CUL1: variants seen among roughly 807,000 people sequenced by gnomAD.
CUL1 encodes cullin 1.
Under a neutral mutation model 118.0 loss-of-function variants are expected in CUL1, and 24 were observed. The observed-to-expected ratio is 0.20, with a 90% CI of 0.15 to 0.29. The LOEUF (loss-of-function observed/expected upper bound fraction) is 0.29, where lower values mean the gene tolerates loss of function less well. CUL1 is among the 10% of genes least tolerant of loss of function. The pLI is 1.00. For missense variants in CUL1, 361 were observed against 933.8 expected, an observed-to-expected ratio of 0.39 and a Z score of 7.99; for synonymous variants, 332 against 340.4, an observed-to-expected ratio of 0.98 and a Z score of 0.27.
At chr7:148,762,726 G>A (rs900904078) in intron 7 of CUL1, among the ~76,000 whole-genome samples, 7 of 152,234 alleles carry the variant, frequency 4.6e-5, no homozygotes, top group African/African-American at 1.7e-4. Context: ...CTTTTTATGG[G>A]TTTATTAGAG....
intron 2 of CUL1, among the ~76,000 whole-genome samples, chr7:148,742,752 C>T (rs1446184316): frequency 6.6e-6 from 1 of 151,928 alleles, no homozygotes; most frequent in Non-Finnish European, 1.5e-5. Flanking sequence ...CAGACATGCA[C>T]CACCACGCCC....
At position 148,762,944 on chromosome 7, in the gene CUL1, C is replaced by T. The variant is rs560337679; in HGVS notation, c.789+2448C>T. On this transcript the variant is annotated intron_variant, in intron 7 of 21. Coordinates refer to ENST00000325222, the MANE Select transcript of CUL1 (RefSeq NM_003592.3). ...GGCAGATTGCCTGAGGTCGGGAGTT[C>T]GAGACCAGCCTGGCCAGCATGGTGA... Among the ~76,000 whole-genome samples the T allele has an allele frequency of 5.3e-5, 8 of 152,238 alleles. No individual in the cohort carries two copies. The East Asian group carries it at 9.6e-4, about 18-fold the overall frequency.
intron 1 of CUL1, among the ~76,000 whole-genome samples, chr7:148,718,692 T>C (rs1798296465): frequency 6.7e-6 from 1 of 150,312 alleles, no homozygotes; most frequent in Admixed American, 6.6e-5. Flanking sequence ...TGAACATTCA[T>C]GTACAAGTCT....
chr7:148,752,157 C>T (rs1403523396), intron 2 of CUL1, among the ~76,000 whole-genome samples: 1 of 152,078 alleles, frequency 6.6e-6, no homozygotes, highest in Non-Finnish European at 1.5e-5. Context: ...ATATTTGATA[C>T]ACATTTATCC....
chr7:148,783,458 G>A (rs1800716017), intron 9 of CUL1: 1 of 1,210,692 alleles, frequency 8.3e-7, no homozygotes, highest in African/African-American at 1.6e-5. Context: ...GTTTAACAAG[G>A]AGGAATTGGC....
intron 1 of CUL1, among the ~76,000 whole-genome samples, chr7:148,728,955 C>T (rs1344646929): frequency 6.6e-6 from 1 of 152,196 alleles, no homozygotes; most frequent in Non-Finnish European, 1.5e-5. Flanking sequence ...TTCCCAATAA[C>T]ATTTGCTTTA....
chr7:148,771,983 C>G (rs1472569603), intron 9 of CUL1, among the ~76,000 whole-genome samples: 2 of 152,122 alleles, frequency 1.3e-5, no homozygotes, highest in Non-Finnish European at 2.9e-5. Flanking sequence ...CTTAATTTTT[C>G]TTATTTGACC....
At chr7:148,777,490 G>T (rs1431812957) in intron 9 of CUL1, among the ~76,000 whole-genome samples, 1 of 152,190 alleles carries the variant, frequency 6.6e-6, no homozygotes, top group Non-Finnish European at 1.5e-5. Flanking sequence ...TCAACCAGTG[G>T]TTTATTATTA....
intron 9 of CUL1, among the ~76,000 whole-genome samples, chr7:148,771,690 A>G (rs556261953): frequency 2.0e-5 from 3 of 152,360 alleles, no homozygotes; most frequent in Admixed American, 1.3e-4. Flanking sequence ...GGAACCTTGC[A>G]CACAAATATT....
intron 1 of CUL1, among the ~76,000 whole-genome samples, chr7:148,722,390 T>C (rs1798423284): frequency 6.6e-6 from 1 of 152,180 alleles, no homozygotes; most frequent in East Asian, 1.9e-4. Context: ...TCCTCATCCA[T>C]GAATGCGAAA....
At position 148,784,830 on chromosome 7, in the gene CUL1, C is replaced by T. The variant is rs549459408; in HGVS notation, c.1298+753C>T. Reference sequence around the variant, plus strand: ...AGCATAACCCCGATACAAAAAAGACCGAGAAATACCCACATACCAGAATGA... The same window carrying T: ...AGCATAACCCCGATACAAAAAAGACTGAGAAATACCCACATACCAGAATGA... On this transcript the variant is annotated intron_variant, in intron 11 of 21. Transcript: ENST00000325222. Among the ~76,000 whole-genome samples the T allele has an allele frequency of 3.3e-5, 5 of 152,022 alleles. No individual in the cohort carries two copies. In the East Asian group the frequency reaches 5.8e-4, roughly 18 times the overall value.
intron 2 of CUL1, among the ~76,000 whole-genome samples, chr7:148,742,381 A>G (rs1351869425): frequency 6.6e-6 from 1 of 152,258 alleles, no homozygotes; most frequent in East Asian, 1.9e-4. Context: ...GGAAACTCCC[A>G]TTTATAAAAC....
In CUL1 at chr7:148,787,099, C is replaced by T; in HGVS notation, c.1458C>T (p.Ala486=). 1 of 1,613,670 alleles carries T rather than the reference C, an allele frequency of 6.2e-7. No homozygotes were observed. The highest frequency in any genetic ancestry group is 8.5e-7 in the Non-Finnish European group (1 of 1,179,784). Residue 486 remains alanine (A), a synonymous_variant, in exon 13 of 22, where the codon GCC becomes GCT. Coordinates refer to ENST00000325222, the MANE Select transcript of CUL1 (RefSeq NM_003592.3). The surrounding 1 kb of genome is among the most constrained non-coding windows in gnomAD (Gnocchi z 5.5). ...HQNSASDDAE[A]SMISKLKQAC... is the part of the protein sequence containing the mutation. ...ACAGTGCAAGTGACGATGCCGAAGC[C>T]AGCATGATCTCCAAGTTAAAGGTGA...
intron 1 of CUL1, among the ~76,000 whole-genome samples, chr7:148,725,219 G>GCGCACGCACACA: frequency 7.1e-6 from 1 of 140,060 alleles, no homozygotes; most frequent in Non-Finnish European, 1.5e-5. Flanking sequence ...ACACGCGCGC[G>GCGCACGCACACA]CTCACACACA....
intron 2 of CUL1, among the ~76,000 whole-genome samples, chr7:148,744,654 C>G (rs973359066): frequency 2.6e-5 from 4 of 151,928 alleles, no homozygotes; most frequent in African/African-American, 9.7e-5. Flanking sequence ...TTAAACCATC[C>G]TTTGTATTTT....
intron 9 of CUL1, 71 bp from the exon 10 acceptor site, chr7:148,783,712 C>T (rs1327140842): frequency 6.4e-7 from 1 of 1,573,636 alleles, no homozygotes; most frequent in African/African-American, 1.4e-5. Context: ...CTAGTACATG[C>T]ATTGTATACC....
intron 9 of CUL1, among the ~76,000 whole-genome samples, chr7:148,770,540 G>A (rs1317515881): frequency 6.6e-6 from 1 of 152,222 alleles, no homozygotes; most frequent in African/African-American, 2.4e-5. Context: ...TGCAAAAGGA[G>A]TGTTTCCTAA....
chr7:148,703,026 A>C (rs1797766815), intron 1 of CUL1, among the ~76,000 whole-genome samples: 1 of 152,232 alleles, frequency 6.6e-6, no homozygotes, highest in African/African-American at 2.4e-5. Context: ...TGAGTGGTGC[A>C]GGTAAGGGCT....
Position 148,725,260 on chromosome 7 carries a change from T to C in CUL1, c.-161-4702T>C, listed in dbSNP as rs114857789. ...ACACACACACACACCCGTACCCCTC[T>C]AAACTGGAAAACTTCATTGCCTGAG... On this transcript the variant is annotated intron_variant, in intron 1 of 21. Coordinates refer to ENST00000325222, the MANE Select transcript of CUL1 (RefSeq NM_003592.3). 6.2e-3 allele frequency among the ~76,000 whole-genome samples: 792 copies of C among 127,796 alleles called. 6 individuals are homozygous for C. Among genetic ancestry groups the C allele is most frequent in the African/African-American group, 0.019 (712 of 37,454 alleles). 83.8% of individuals were successfully genotyped at this position (127,796 alleles called of 152,430 possible).
Sources: allele counts gnomAD v4.1 joint callset (sites outside exome capture counted in the v4.1 genomes callset), GRCh38; gene constraint gnomAD v4.1.1; non-coding constraint Gnocchi (gnomAD v3.1); transcripts MANE v1.5; gene names NCBI Gene and HGNC (gene_info 2026-07-23, HGNC 2026-07-21).